Variants in TAFA2 observed in about 807,000 individuals in gnomAD.
TAFA2 encodes TAFA chemokine like family member 2, also known as chemokine-like protein TAFA-2.
In TAFA2, 7 loss-of-function variants were observed where a neutral mutation model predicts 18.8. The observed-to-expected ratio is 0.37, with a 90% CI of 0.21 to 0.70. The LOEUF (loss-of-function observed/expected upper bound fraction) is 0.70. TAFA2 is among the 30% of genes least tolerant of loss of function. The pLI is 0.53. For synonymous variants in TAFA2, 60 were observed against 54.2 expected (o/e 1.11, Z -0.47); for missense variants, 122 against 158.1 (o/e 0.77, Z 1.23).
intron 1 of TAFA2, among the ~76,000 whole-genome samples, chr12:62,090,056 G>C (rs895042040): frequency 2.6e-5 from 4 of 152,016 alleles, no homozygotes; most frequent in African/African-American, 9.7e-5. Flanking sequence ...AATATTGTGA[G>C]CCACACATAG....
intron 1 of TAFA2, chr12:61,880,425 C>T (rs1875072788): frequency 1.5e-5 from 8 of 539,112 alleles, no homozygotes; most frequent in South Asian, 1.1e-4. Context: ...CAGGACATGG[C>T]ACAGCAGCTG....
intron 1 of TAFA2, among the ~76,000 whole-genome samples, chr12:62,109,748 T>C (rs535702894): frequency 6.6e-6 from 1 of 152,350 alleles, no homozygotes; most frequent in African/African-American, 2.4e-5. Context: ...TAATTGTGAA[T>C]GGGAGTCCAC....
intron 1 of TAFA2, among the ~76,000 whole-genome samples, chr12:62,189,940 T>TTGTGTGTGTG (rs10643306): frequency 0.065 from 9,180 of 141,906 alleles, 477 homozygotes; most frequent in African/African-American, 0.12. Flanking sequence ...TGAGTTTGCT[T>TTGTGTGTGTG]TGTGTGTGTG....
At position 62,081,051 on chromosome 12, in the gene TAFA2, C is replaced by T. The variant is rs927614480; in HGVS notation, c.-2+110208G>A. 4.9e-4 allele frequency among the ~76,000 whole-genome samples: 74 copies of T among 152,136 alleles called. 1 individual carries two copies. Among genetic ancestry groups the T allele is most frequent in the African/African-American group, 1.4e-3 (58 of 41,528 alleles). On this transcript the variant is annotated intron_variant, in intron 1 of 4. Transcript: ENST00000416284. ...CTACGAAAAGACACAAAAAATTAGC[C>T]GGGCGTAGTGGGGGGCGCCTGTAGT...
At chr12:61,929,651 C>A (rs1877469059) in intron 1 of TAFA2, among the ~76,000 whole-genome samples, 1 of 151,382 alleles carries the variant, frequency 6.6e-6, no homozygotes. Context: ...CATCCCATTA[C>A]CGGGTATATA....
intron 1 of TAFA2, among the ~76,000 whole-genome samples, chr12:62,142,048 C>A (rs762088985): frequency 2.6e-5 from 4 of 152,232 alleles, no homozygotes; most frequent in African/African-American, 7.2e-5. Flanking sequence ...AGGGAAGCAC[C>A]TTTATGTTCA....
rs950593300 is a variant in TAFA2 at position 62,026,922 on chromosome 12, T to C, written c.-1-159496A>G. The stretch of plus-strand genomic sequence containing the variant: ...GAAATTATAGGCCTAACTTATTTGA[T>C]TTCATAATAATTTTAGGGTCTTTCC... On this transcript the variant is annotated intron_variant, in intron 1 of 4. Transcript: ENST00000416284. 3.9e-4 allele frequency among the ~76,000 whole-genome samples: 59 copies of C among 152,108 alleles called. 1 individual carries two copies. Among genetic ancestry groups the C allele is most frequent in the Admixed American group, 2.0e-3 (31 of 15,256 alleles).
intron 1 of TAFA2, among the ~76,000 whole-genome samples, chr12:61,990,880 T>A (rs1879985995): frequency 6.6e-6 from 1 of 152,138 alleles, no homozygotes; most frequent in South Asian, 2.1e-4. Flanking sequence ...TTATGCACAA[T>A]GAGAAAAGTA....
At chr12:61,974,257 A>C (rs1389681810) in intron 1 of TAFA2, among the ~76,000 whole-genome samples, 1 of 151,778 alleles carries the variant, frequency 6.6e-6, no homozygotes, top group Non-Finnish European at 1.5e-5. Context: ...AAAAAGAAAG[A>C]ATATTACTGA....
At chr12:61,964,334 C>A (rs1174266806) in intron 1 of TAFA2, among the ~76,000 whole-genome samples, 1 of 151,876 alleles carries the variant, frequency 6.6e-6, no homozygotes, top group Non-Finnish European at 1.5e-5. Context: ...CTATATATTC[C>A]TAATATCCTA....
At chr12:61,966,212 T>A (rs1168774004) in intron 1 of TAFA2, among the ~76,000 whole-genome samples, 1 of 151,916 alleles carries the variant, frequency 6.6e-6, no homozygotes, top group Non-Finnish European at 1.5e-5. Flanking sequence ...ACTGGATAGT[T>A]TATAAAGAAC....
rs1393269364 is a variant in TAFA2, at chr12:61,950,351, GT to G, written c.-1-82926del. 4.6e-5 allele frequency among the ~76,000 whole-genome samples: 7 copies of G among 152,210 alleles called. No homozygotes were observed. In the South Asian group the frequency reaches 1.0e-3, roughly 23 times the overall value. ...TGGAGGAACCTCCATACTATTTTCC[GT>G]AGCTGCTGCACCATTTTATAGCACT... On this transcript the variant is annotated intron_variant, in intron 1 of 4. Coordinates refer to ENST00000416284, the MANE Select transcript of TAFA2 (RefSeq NM_178539.5).
intron 1 of TAFA2, among the ~76,000 whole-genome samples, chr12:61,931,734 T>A (rs1057418691): frequency 2.6e-5 from 4 of 152,200 alleles, no homozygotes; most frequent in African/African-American, 4.8e-5. Context: ...AAGGCTTCTG[T>A]TTTAAAATGT....
chr12:62,069,361 A>G (rs557585218), intron 1 of TAFA2, among the ~76,000 whole-genome samples: 21 of 152,302 alleles, frequency 1.4e-4, no homozygotes, highest in African/African-American at 4.8e-4. Flanking sequence ...GGGGACAGGG[A>G]TGGCATCTAA....
intron 1 of TAFA2, among the ~76,000 whole-genome samples, chr12:62,047,377 G>C (rs986057198): frequency 1.3e-5 from 2 of 151,982 alleles, no homozygotes; most frequent in Non-Finnish European, 2.9e-5. Context: ...TATGTCCCAG[G>C]ATCATCATAA....
intron 1 of TAFA2, among the ~76,000 whole-genome samples, chr12:61,989,782 A>T (rs985445153): frequency 1.3e-5 from 2 of 152,194 alleles, no homozygotes; most frequent in African/African-American, 4.8e-5. Context: ...AAATAAATAG[A>T]GAGAGGGATA....
At chr12:61,914,059 G>C (rs1054512671) in intron 1 of TAFA2, among the ~76,000 whole-genome samples, 1 of 152,136 alleles carries the variant, frequency 6.6e-6, no homozygotes, top group Non-Finnish European at 1.5e-5. Flanking sequence ...ACCTAACCCA[G>C]GGTGCTTAAC....
At chr12:62,008,008 C>T (rs1880613765) in intron 1 of TAFA2, among the ~76,000 whole-genome samples, 2 of 152,158 alleles carry the variant, frequency 1.3e-5, no homozygotes, top group South Asian at 4.1e-4. Flanking sequence ...CCTCTGATAA[C>T]CACTATCCTC....
intron 1 of TAFA2, chr12:62,104,833 A>T: frequency 2.8e-6 from 1 of 357,714 alleles, no homozygotes; most frequent in East Asian, 9.8e-5. Context: ...GGTGATTTTG[A>T]GGCTCAAGTT....
Sources: allele counts gnomAD v4.1 joint callset (sites outside exome capture counted in the v4.1 genomes callset), GRCh38; gene constraint gnomAD v4.1.1; transcripts MANE v1.5; gene names NCBI Gene and HGNC (gene_info 2026-07-23, HGNC 2026-07-21).